SLC26A8: variants seen among roughly 807,000 people sequenced by gnomAD.
The protein encoded by SLC26A8 is solute carrier family 26 member 8, also known as testis anion transporter 1.
A neutral mutation model predicts 105.0 loss-of-function variants in SLC26A8; 70 were observed. That is an observed-to-expected ratio of 0.67 (90% CI 0.55 to 0.81). The LOEUF is 0.81. Ranked by LOEUF, SLC26A8 falls within the 40% of genes least tolerant of loss-of-function variation. The probability of loss-of-function intolerance (pLI) is 0.00; values close to 1 mark genes in which losing one functional copy is unlikely to be tolerated. For missense variants in SLC26A8, 998 were observed against 1,181.8 expected (o/e 0.84, Z 2.28); for synonymous variants, 415 against 438.3 (o/e 0.95, Z 0.66).
chr6:36,008,277 G>A (rs941381208), intron 3 of SLC26A8, among the ~76,000 whole-genome samples: 4 of 152,036 alleles, frequency 2.6e-5, no homozygotes, highest in Non-Finnish European at 4.4e-5. Context: ...CTGGGTGACA[G>A]AGCAAGATCC....
chr6:35,955,640 G>A (rs537569829), intron 16 of SLC26A8, 120 bp from the exon 17 acceptor site: 14 of 1,288,518 alleles, frequency 1.1e-5, no homozygotes, highest in Middle Eastern at 2.7e-4. Context: ...AACTTCTCCC[G>A]AGAGTAGGTA....
At chr6:35,977,827 G>A (rs1053228165) in intron 8 of SLC26A8, among the ~76,000 whole-genome samples, 3 of 152,162 alleles carry the variant, frequency 2.0e-5, no homozygotes, top group Non-Finnish European at 4.4e-5. Context: ...GCTCACGCCT[G>A]CAATCCCAGC....
chr6:35,989,922 C>CT (rs1562051141), intron 7 of SLC26A8: 6 of 37,764 alleles, frequency 1.6e-4, no homozygotes, highest in East Asian at 1.6e-3. Flanking sequence ...TGTTTGTTTT[C>CT]TTTTCTTTTT....
chr6:35,981,353 A>G lies in SLC26A8; in HGVS notation c.1025+768T>C, dbSNP rs1773257633. On this transcript the variant is annotated intron_variant, in intron 8 of 19. Transcript: ENST00000490799. The surrounding 1 kb of genome is among the most constrained non-coding windows in gnomAD (Gnocchi z 4.0). ...GAAAACAATGTTGCTCAAGGGCACC[A>G]ATTCTGACCGGGCACTGTGGCTCAT... Among the ~76,000 whole-genome samples, 1 of 152,196 alleles carries G rather than the reference A, an allele frequency of 6.6e-6. No individual in the cohort carries two copies. Among genetic ancestry groups the G allele is most frequent in the Non-Finnish European group, 1.5e-5 (1 of 68,022 alleles).
At chr6:35,969,553 A>G (rs12196278) in intron 10 of SLC26A8, 63,288 of 151,802 alleles carry the variant, frequency 0.42, 14,811 homozygotes, top group African/African-American at 0.64. Context: ...AGCCAAGATC[A>G]CGCCACTGCA....
chr6:35,986,557 G>A (rs7754088), intron 7 of SLC26A8, among the ~76,000 whole-genome samples: 58,181 of 151,932 alleles, frequency 0.38, 12,102 homozygotes, highest in South Asian at 0.56. Context: ...ACTTCAATGA[G>A]TTCAACCTTT....
intron 7 of SLC26A8, among the ~76,000 whole-genome samples, chr6:35,984,095 G>A (rs570508144): frequency 6.6e-6 from 1 of 152,210 alleles, no homozygotes; most frequent in South Asian, 2.1e-4. Flanking sequence ...CACTTGACAT[G>A]ACATGTGTAT....
intron 7 of SLC26A8, among the ~76,000 whole-genome samples, chr6:35,983,654 C>A (rs192580920): frequency 1.3e-5 from 2 of 151,880 alleles, no homozygotes; most frequent in Admixed American, 1.3e-4. Context: ...TGGGTTCAAG[C>A]GATTCTCATG....
At chr6:35,946,862 T>C (rs968736403) in intron 19 of SLC26A8, among the ~76,000 whole-genome samples, 3 of 147,718 alleles carry the variant, frequency 2.0e-5, no homozygotes. Context: ...TGATTTTTAG[T>C]TTTTTTTTTC....
chr6:35,973,838 T>C (rs554443467), intron 10 of SLC26A8, among the ~76,000 whole-genome samples: 5 of 152,350 alleles, frequency 3.3e-5, no homozygotes, highest in African/African-American at 1.2e-4. Flanking sequence ...CCTTTTACTA[T>C]GTTTCTGCAG....
At chr6:35,949,481 C>T (rs368711079) in intron 19 of SLC26A8, among the ~76,000 whole-genome samples, 5 of 151,698 alleles carry the variant, frequency 3.3e-5, no homozygotes, top group South Asian at 2.1e-4. Flanking sequence ...TACTGAAATA[C>T]ATTCTATTTA....
At chr6:36,014,992 C>A (rs918452005) in intron 2 of SLC26A8, among the ~76,000 whole-genome samples, 1 of 152,080 alleles carries the variant, frequency 6.6e-6, no homozygotes, top group African/African-American at 2.4e-5. Flanking sequence ...TCATGTTGAT[C>A]TTACAGATAA....
chr6:35,985,863 T>C (rs901219639), intron 7 of SLC26A8, among the ~76,000 whole-genome samples: 3 of 151,894 alleles, frequency 2.0e-5, no homozygotes, highest in Admixed American at 2.0e-4. Context: ...TTTCCCGAGC[T>C]CTAGAGCACC....
At chr6:35,989,119 C>T (rs377350718) in intron 7 of SLC26A8, among the ~76,000 whole-genome samples, 28 of 152,204 alleles carry the variant, frequency 1.8e-4, no homozygotes, top group Middle Eastern at 3.4e-3. Flanking sequence ...GGATTACAAG[C>T]GTGAGCCACC....
intron 9 of SLC26A8, 31 bp from the exon 10 acceptor site, chr6:35,975,519 C>T (rs374829610): frequency 3.6e-5 from 51 of 1,410,910 alleles, no homozygotes; most frequent in South Asian, 1.8e-4. Flanking sequence ...CTTTAGGCCC[C>T]CGTTTTTGTT....
chr6:35,978,085 CAA>C (rs57884642), intron 8 of SLC26A8, among the ~76,000 whole-genome samples: 2 of 95,686 alleles, frequency 2.1e-5, no homozygotes, highest in Non-Finnish European at 2.2e-5. Context: ...GACTCAGTCT[CAA>C]AAAAAAAAAA....
intron 7 of SLC26A8, 30 bp downstream of exon 7, chr6:35,991,629 C>A: frequency 6.8e-7 from 1 of 1,478,922 alleles, no homozygotes; most frequent in Non-Finnish European, 9.0e-7. Flanking sequence ...ATTATGCAAA[C>A]TATGAATTTG....
intron 3 of SLC26A8, among the ~76,000 whole-genome samples, chr6:36,008,106 C>G (rs11750972): frequency 1.7e-3 from 220 of 127,192 alleles, no homozygotes; most frequent in Middle Eastern, 0.011. Context: ...GGCAACAGAG[C>G]GAGACTCCGT....
intron 1 of SLC26A8, among the ~76,000 whole-genome samples, chr6:36,022,901 T>C (rs905874093): frequency 3.3e-5 from 5 of 150,594 alleles, no homozygotes; most frequent in Admixed American, 3.3e-4. Flanking sequence ...CAAGACCTAC[T>C]GAATCAGAAA....
Sources: allele counts gnomAD v4.1 joint callset (sites outside exome capture counted in the v4.1 genomes callset), GRCh38; gene constraint gnomAD v4.1.1; non-coding constraint Gnocchi (gnomAD v3.1); transcripts MANE v1.5; gene names NCBI Gene and HGNC (gene_info 2026-07-23, HGNC 2026-07-21).